Variants in IMPACT observed in about 807,000 individuals in gnomAD.
IMPACT encodes the protein impact RWD domain protein.
Under a neutral mutation model 47.5 loss-of-function variants are expected in IMPACT, and 35 were observed. The ratio of observed to expected loss-of-function variants is 0.74; its 90% CI spans 0.56 to 0.98. IMPACT has a LOEUF of 0.98. Among genes scored for constraint, IMPACT ranks in the 50% least tolerant of loss-of-function variants. The pLI is 0.00. For synonymous variants in IMPACT, 118 were observed against 125.6 expected (o/e 0.94, Z 0.40); for missense variants, 373 against 394.8 (o/e 0.94, Z 0.47).
Position 24,453,461 on chromosome 18 carries a change from G to A in IMPACT, c.*2614G>A, listed in dbSNP as rs1432468586. 6.6e-6 allele frequency: 1 copy of A among 151,778 alleles called. No individual in the cohort carries two copies. Among genetic ancestry groups the A allele is most frequent in the Non-Finnish European group, 1.5e-5 (1 of 67,956 alleles). The allele number at this position is 151,778 out of a possible 1,614,324, so 9.4% of individuals were successfully genotyped here. A position where few individuals can be genotyped will look rare whatever the true frequency, so the allele number is the denominator to read the frequency against. Reference sequence around the variant, plus strand: ...ATTAAACTGTATATACTGTTTTGTAGCCTACATATTTCATATAGAAGTATA... The same window carrying A: ...ATTAAACTGTATATACTGTTTTGTAACCTACATATTTCATATAGAAGTATA... On this transcript the variant is annotated 3_prime_UTR_variant, in exon 11 of 11. Transcript: ENST00000284202.
intron 5 of IMPACT, among the ~76,000 whole-genome samples, chr18:24,438,415 G>C (rs1909003205): frequency 6.6e-6 from 1 of 152,192 alleles, no homozygotes; most frequent in Non-Finnish European, 1.5e-5. Context: ...TCTGTCTAGG[G>C]TCTTGTCTAG....
intron 1 of IMPACT, chr18:24,427,110 T>C: frequency 3.1e-6 from 1 of 324,674 alleles, no homozygotes; most frequent in Non-Finnish European, 5.6e-6. Flanking sequence ...CGCCGAGTCA[T>C]CTTGGACAAA....
At chr18:24,429,294 T>G (rs1908689544) in intron 3 of IMPACT, among the ~76,000 whole-genome samples, 1 of 152,182 alleles carries the variant, frequency 6.6e-6, no homozygotes, top group Non-Finnish European at 1.5e-5. Flanking sequence ...ACTGCCTGCC[T>G]TCCAGGAGTT....
intron 4 of IMPACT, among the ~76,000 whole-genome samples, chr18:24,432,018 A>G (rs996403515): frequency 2.0e-5 from 3 of 152,058 alleles, no homozygotes; most frequent in East Asian, 1.9e-4. Context: ...TAATTTTTTT[A>G]AAAATTATTT....
intron 10 of IMPACT, among the ~76,000 whole-genome samples, chr18:24,450,364 C>G (rs78001299): frequency 6.6e-6 from 1 of 152,052 alleles, no homozygotes; most frequent in Non-Finnish European, 1.5e-5. Flanking sequence ...AAAACATCTC[C>G]CCCTTCACTG....
At chr18:24,443,403 C>CA (rs1193608328) in intron 7 of IMPACT, among the ~76,000 whole-genome samples, 1 of 152,038 alleles carries the variant, frequency 6.6e-6, no homozygotes, top group African/African-American at 2.4e-5. Flanking sequence ...AATCTGGACT[C>CA]AATCAGCCCT....
intron 5 of IMPACT, chr18:24,439,636 CAAAAAAAAAAAAA>C (rs56036836): frequency 1.5e-5 from 1 of 65,752 alleles, no homozygotes; most frequent in Non-Finnish European, 2.8e-5. Flanking sequence ...GACTCCGGCT[CAAAAAAAAAAAAA>C]AAAAAAAAAA....
At chr18:24,435,744 G>A (rs539187839) in intron 4 of IMPACT, among the ~76,000 whole-genome samples, 253 of 152,270 alleles carry the variant, frequency 1.7e-3, no homozygotes, top group African/African-American at 5.6e-3. Context: ...AGTTAATCGG[G>A]TGTGTTGGGC....
At chr18:24,435,406 T>G (rs1908902056) in intron 4 of IMPACT, 1 of 152,252 alleles carries the variant, frequency 6.6e-6, no homozygotes. Flanking sequence ...GATTACAAGT[T>G]TTTTATAGTA....
intron 4 of IMPACT, among the ~76,000 whole-genome samples, chr18:24,433,965 CTGGCCTTT>C (rs1034708604): frequency 2.6e-5 from 4 of 152,150 alleles, no homozygotes; most frequent in Non-Finnish European, 4.4e-5. Context: ...GCCACCACGC[CTGGCCTTT>C]TGTGACAACT....
rs180874484 is a variant in IMPACT, at chr18:24,443,435, C to G, written c.594+283C>G. Among the ~76,000 whole-genome samples, 202 of 152,178 alleles carry G rather than the reference C, an allele frequency of 1.3e-3. 1 individual carries two copies. Among genetic ancestry groups the G allele is most frequent in the Admixed American group, 2.2e-3 (34 of 15,284 alleles). ...CCCTCCTGCCTCCAGCCCTCCCAAT[C>G]CAAGGTATTGGGATTACAGGCATAA... On this transcript the variant is annotated intron_variant, in intron 7 of 10. Coordinates refer to ENST00000284202, the MANE Select transcript of IMPACT (RefSeq NM_018439.4).
intron 3 of IMPACT, 49 bp from the exon 4 acceptor site, chr18:24,430,273 A>G: frequency 7.7e-7 from 1 of 1,302,556 alleles, no homozygotes; most frequent in Non-Finnish European, 1.1e-6. Context: ...AATTTGAGGT[A>G]TAAACATAAT....
chr18:24,436,876 C>T (rs189672511), intron 4 of IMPACT, among the ~76,000 whole-genome samples: 1 of 152,092 alleles, frequency 6.6e-6, no homozygotes, highest in Non-Finnish European at 1.5e-5. Context: ...TCTCATCCAG[C>T]TTATAATATT....
chr18:24,426,877 C>A, intron 1 of IMPACT, 85 bp downstream of exon 1: 1 of 943,766 alleles, frequency 1.1e-6, no homozygotes, highest in Non-Finnish European at 1.4e-6. Context: ...AGGGGCCCTC[C>A]GCCTGGGGCC....
At chr18:24,439,634 C>T (rs1436686005) in intron 5 of IMPACT, 1 of 69,338 alleles carries the variant, frequency 1.4e-5, no homozygotes, top group African/African-American at 6.4e-5. Flanking sequence ...GAGACTCCGG[C>T]TCAAAAAAAA....
intron 8 of IMPACT, 68 bp from the exon 9 acceptor site, chr18:24,448,025 A>G: frequency 1.1e-6 from 1 of 882,150 alleles, no homozygotes; most frequent in African/African-American, 1.7e-5. Flanking sequence ...ATGATCACAA[A>G]TGTTGAGGAA....
chr18:24,450,688 A>G (rs1909362402), intron 10 of IMPACT, 91 bp from the exon 11 acceptor site: 1 of 762,630 alleles, frequency 1.3e-6, no homozygotes, highest in Non-Finnish European at 2.2e-6. Context: ...TATGTGGAAT[A>G]TATATGTGTA....
chr18:24,432,234 A>G (rs1162012841), intron 4 of IMPACT, among the ~76,000 whole-genome samples: 1 of 152,246 alleles, frequency 6.6e-6, no homozygotes, highest in Non-Finnish European at 1.5e-5. Flanking sequence ...GATGTGGGAC[A>G]TCAGTTAGGG....
chr18:24,434,458 A>G (rs913639039), intron 4 of IMPACT, among the ~76,000 whole-genome samples: 3 of 152,054 alleles, frequency 2.0e-5, no homozygotes, highest in Non-Finnish European at 4.4e-5. Flanking sequence ...AATGGAGAAG[A>G]AGGTCAGTTA....
Sources: gnomAD v4.1 joint callset for allele counts (sites outside exome capture counted in the v4.1 genomes callset) on GRCh38, gnomAD v4.1.1 for gene constraint, MANE v1.5 for transcripts, NCBI Gene and HGNC (gene_info 2026-07-23, HGNC 2026-07-21) for gene names.